Variants in IL1RAPL1 observed in about 807,000 individuals in gnomAD.
IL1RAPL1 encodes the protein interleukin-1 receptor accessory protein-like 1.
A neutral mutation model predicts 48.4 loss-of-function variants in IL1RAPL1; 3 were observed. The observed-to-expected ratio is 0.06, with a 90% CI of 0.03 to 0.16. The LOEUF is 0.16. Ranked by LOEUF, IL1RAPL1 falls within the 10% of genes least tolerant of loss-of-function variation. The probability of loss-of-function intolerance (pLI) is 1.00; values close to 1 mark genes in which losing one functional copy is unlikely to be tolerated. For synonymous variants in IL1RAPL1, 185 were observed against 187.7 expected, an observed-to-expected ratio of 0.99 and a Z score of 0.12; for missense variants, 349 against 530.6, an observed-to-expected ratio of 0.66 and a Z score of 3.36.
intron 2 of IL1RAPL1, among the ~76,000 whole-genome samples, chrX:28,839,931 T>C (rs927874714): frequency 1.4e-4 from 16 of 110,467 alleles, no homozygotes; most frequent in African/African-American, 4.9e-4. Flanking sequence ...TTTTAGAATA[T>C]ATAGTAGAGT....
chrX:29,087,499 GTTA>G (rs1316096224), intron 2 of IL1RAPL1, among the ~76,000 whole-genome samples: 1 of 111,130 alleles, frequency 9.0e-6, no homozygotes, highest in Non-Finnish European at 1.9e-5. Context: ...AACATAAACT[GTTA>G]TTATTAGAGA....
intron 5 of IL1RAPL1, among the ~76,000 whole-genome samples, chrX:29,467,253 C>T (rs747068679): frequency 2.7e-5 from 3 of 112,411 alleles, no homozygotes; most frequent in Admixed American, 1.9e-4. Context: ...AAGACTAGAA[C>T]GAGTGAATGC....
chrX:29,385,512 C>T (rs768151426), intron 3 of IL1RAPL1, among the ~76,000 whole-genome samples: 2 of 112,354 alleles, frequency 1.8e-5, no homozygotes, highest in Non-Finnish European at 3.8e-5. Context: ...TCCATTCCTT[C>T]CTCCCACCAG....
At chrX:28,938,366 A>T (rs926592234) in intron 2 of IL1RAPL1, among the ~76,000 whole-genome samples, 3 of 110,993 alleles carry the variant, frequency 2.7e-5, no homozygotes, top group African/African-American at 9.8e-5. Flanking sequence ...AAGGCTATAT[A>T]CCTAAAACCA....
At chrX:29,812,261 C>T (rs2147178411) in intron 6 of IL1RAPL1, among the ~76,000 whole-genome samples, 1 of 112,204 alleles carries the variant, frequency 8.9e-6, no homozygotes, top group African/African-American at 3.2e-5. Flanking sequence ...TGATTAATGA[C>T]TGTTACTTTG....
intron 2 of IL1RAPL1, among the ~76,000 whole-genome samples, chrX:29,027,102 T>C (rs1295292778): frequency 9.0e-6 from 1 of 111,687 alleles, no homozygotes; most frequent in Non-Finnish European, 1.9e-5. Context: ...ATTCTGTGGG[T>C]TTGGACAAAT....
chrX:29,321,355 T>G (rs776032783), intron 3 of IL1RAPL1, among the ~76,000 whole-genome samples: 2 of 112,027 alleles, frequency 1.8e-5, no homozygotes, highest in African/African-American at 6.5e-5. Flanking sequence ...GGGCCATTAA[T>G]AGGAGCTCAT....
intron 6 of IL1RAPL1, among the ~76,000 whole-genome samples, chrX:29,670,390 A>G (rs1454898636): frequency 8.9e-6 from 1 of 111,980 alleles, no homozygotes; most frequent in African/African-American, 3.2e-5. Context: ...CTTTATTGTC[A>G]CTCAAAAAGG....
chrX:29,350,189 T>TATA (rs1933204392), intron 3 of IL1RAPL1, among the ~76,000 whole-genome samples: 1 of 39,804 alleles, frequency 2.5e-5, no homozygotes, highest in South Asian at 1.5e-3. Context: ...CATACTGTTA[T>TATA]TTTATATATA....
At chrX:28,836,727 AC>A (rs1921228749) in intron 2 of IL1RAPL1, among the ~76,000 whole-genome samples, 1 of 110,002 alleles carries the variant, frequency 9.1e-6, no homozygotes, top group South Asian at 3.9e-4. Context: ...ATCCTTAAAA[AC>A]TTGCTGTGGT....
chrX:29,217,109 C>T (rs1930883881), intron 2 of IL1RAPL1, among the ~76,000 whole-genome samples: 1 of 112,098 alleles, frequency 8.9e-6, no homozygotes, highest in Admixed American at 9.5e-5. Flanking sequence ...ATGATAAAGC[C>T]TTAGAATTTG....
intron 5 of IL1RAPL1, among the ~76,000 whole-genome samples, chrX:29,479,574 A>T (rs1311828790): frequency 9.3e-6 from 1 of 106,956 alleles, no homozygotes; most frequent in African/African-American, 3.6e-5. Flanking sequence ...TTTTGGTTAC[A>T]AGGATTAGTT....
intron 5 of IL1RAPL1, among the ~76,000 whole-genome samples, chrX:29,626,698 A>G (rs1182677087): frequency 8.9e-6 from 1 of 112,089 alleles, no homozygotes; most frequent in Non-Finnish European, 1.9e-5. Context: ...TTGATATGAA[A>G]AATCAACGTC....
At chrX:29,072,577 T>C (rs952301141) in intron 2 of IL1RAPL1, among the ~76,000 whole-genome samples, 2 of 111,949 alleles carry the variant, frequency 1.8e-5, no homozygotes, top group African/African-American at 6.5e-5. Context: ...CATGACATTG[T>C]GTAGTTGAGA....
chrX:29,846,770 A>ATATATATG (rs1366153956), intron 6 of IL1RAPL1, among the ~76,000 whole-genome samples: 2 of 82,529 alleles, frequency 2.4e-5, no homozygotes, highest in South Asian at 1.2e-3. Context: ...ATATATATAC[A>ATATATATG]TATATATGTA....
At chrX:29,358,977 C>G (rs1221632037) in intron 3 of IL1RAPL1, among the ~76,000 whole-genome samples, 1 of 109,071 alleles carries the variant, frequency 9.2e-6, no homozygotes, top group African/African-American at 3.3e-5. Context: ...GCCGAGATCA[C>G]GCATCACTGC....
At position 28,980,082 on chromosome X, in the gene IL1RAPL1, T is replaced by A. The variant is rs777450039; in HGVS notation, c.82+190657T>A. 6.2e-5 allele frequency among the ~76,000 whole-genome samples: 7 copies of A among 112,383 alleles called. No individual in the cohort carries two copies. The South Asian group carries it at 2.6e-3, about 41-fold the overall frequency. On this transcript the variant is annotated intron_variant, in intron 2 of 10. Transcript: ENST00000378993. ...TTAGCTAAGACTCAGTGTGATTTAT[T>A]ACCTCTATCTACATCAATCACCAAA...
intron 3 of IL1RAPL1, among the ~76,000 whole-genome samples, chrX:29,285,067 A>G (rs1932260578): frequency 8.9e-6 from 1 of 112,171 alleles, no homozygotes; most frequent in Non-Finnish European, 1.9e-5. Flanking sequence ...ATCTGACATT[A>G]GAATTGAGTT....
Position 28,738,176 on chromosome X carries a change from TA to T in IL1RAPL1, c.-24-51132del, listed in dbSNP as rs751807925. Among the ~76,000 whole-genome samples the T allele has an allele frequency of 4.3e-3, 432 of 101,510 alleles. 1 individual carries two copies. Among genetic ancestry groups the T allele is most frequent in the South Asian group, 9.2e-3 (23 of 2,497 alleles). 88.1% of individuals were successfully genotyped at this position (101,510 alleles called of 115,157 possible). A position where few individuals can be genotyped will look rare whatever the true frequency, so the allele number is the denominator to read the frequency against. ...CTTCCAAATATCTAATCTCTTTTTT[TA>T]AAAAAAAAAAATCTTAGAACATTAT... On this transcript the variant is annotated intron_variant, in intron 1 of 10. Coordinates refer to ENST00000378993, the MANE Select transcript of IL1RAPL1 (RefSeq NM_014271.4).
Sources: allele counts gnomAD v4.1 joint callset (sites outside exome capture counted in the v4.1 genomes callset), GRCh38; gene constraint gnomAD v4.1.1; transcripts MANE v1.5; gene names NCBI Gene and HGNC (gene_info 2026-07-23, HGNC 2026-07-21).